The following HYKK variants were observed in gnomAD, a reference collection of about 807,000 sequenced individuals.
HYKK encodes the protein 5-hydroxy-L-lysine kinase.
Under a neutral mutation model 29.7 loss-of-function variants are expected in HYKK, and 19 were observed. That is an observed-to-expected ratio of 0.64 (90% confidence interval 0.45 to 0.94). The LOEUF is 0.94. Ranked by LOEUF, HYKK falls within the 40% of genes least tolerant of loss-of-function variation. The pLI is 0.00. For missense variants in HYKK, 390 were observed against 443.4 expected (o/e 0.88, Z 1.08); for synonymous variants, 152 against 158.1 (o/e 0.96, Z 0.29).
At chr15:78,512,576 A>G (rs148992699) in intron 1 of HYKK, among the ~76,000 whole-genome samples, 3,171 of 151,292 alleles carry the variant, frequency 0.021, 129 homozygotes, top group African/African-American at 0.073. Flanking sequence ...CAATTTTTGT[A>G]TTATCAGTAG....
At chr15:78,513,028 A>T in intron 1 of HYKK, 56 bp from the exon 2 acceptor site, 1 of 912,616 alleles carries the variant, frequency 1.1e-6, no homozygotes, top group Non-Finnish European at 1.7e-6. Flanking sequence ...AAAATCATTT[A>T]AATAAATATA....
rs558402496 is a variant in HYKK at position 78,510,099 on chromosome 15, TTC to T, written c.-6+2440_-6+2441del. ...TTTTTTCTTTCTTTCTTTTCTTTCT[TTC>T]TCTCTCTCTCTTTCTTCTTTCTTTT... On this transcript the variant is annotated intron_variant, in intron 1 of 4. Coordinates refer to ENST00000388988, the MANE Select transcript of HYKK (RefSeq NM_001013619.4). Among the ~76,000 whole-genome samples the T allele has an allele frequency of 7.8e-4, 117 of 149,788 alleles. 1 individual carries two copies. In the South Asian group the frequency reaches 7.9e-3, roughly 10 times the overall value.
chr15:78,528,302 A>T (rs1163852318), intron 4 of HYKK: 1 of 344,184 alleles, frequency 2.9e-6, no homozygotes, highest in Non-Finnish European at 4.1e-6. Context: ...ATGATCTGAG[A>T]TGAAACAGTT....
intron 3 of HYKK, among the ~76,000 whole-genome samples, chr15:78,521,880 A>G (rs535396926): frequency 2.6e-5 from 4 of 152,232 alleles, no homozygotes; most frequent in African/African-American, 9.6e-5. Context: ...GCGTGGGTCA[A>G]TCGTGCCATC....
At position 78,516,244 on chromosome 15, in the gene HYKK, T is replaced by A. The variant is rs557597972; in HGVS notation, c.477+1137T>A. 3.3e-5 allele frequency among the ~76,000 whole-genome samples: 5 copies of A among 152,148 alleles called. No individual in the cohort carries two copies. In the East Asian group the frequency reaches 9.7e-4, roughly 29 times the overall value. On this transcript the variant is annotated intron_variant, in intron 3 of 4. Transcript: ENST00000388988. ...AAAAAATCACAGGACAAAGGAAATA[T>A]ATTTACTATTTATTAAGTGGAAATG...
intron 3 of HYKK, among the ~76,000 whole-genome samples, chr15:78,525,725 C>T (rs2052246953): frequency 6.6e-6 from 1 of 151,514 alleles, no homozygotes; most frequent in South Asian, 2.1e-4. Flanking sequence ...TCTCGAACTC[C>T]TGACCTCAAA....
At chr15:78,525,446 A>G (rs774454587) in intron 3 of HYKK, among the ~76,000 whole-genome samples, 11 of 151,934 alleles carry the variant, frequency 7.2e-5, no homozygotes, top group Admixed American at 2.0e-4. Flanking sequence ...GTGAGCCACC[A>G]TGCCCAGCCT....
intron 3 of HYKK, chr15:78,518,539 A>T: frequency 8.8e-6 from 4 of 454,104 alleles, no homozygotes; most frequent in South Asian, 6.2e-5. Flanking sequence ...AATAACTTGA[A>T]AACCAGTGTT....
chr15:78,525,309 C>G (rs2052239998), intron 3 of HYKK, among the ~76,000 whole-genome samples: 2 of 151,320 alleles, frequency 1.3e-5, no homozygotes, highest in Non-Finnish European at 2.9e-5. Context: ...GCACCCGCCA[C>G]CACACCCAGC....
chr15:78,524,947 C>T (rs1800331928), intron 3 of HYKK, among the ~76,000 whole-genome samples: 1 of 152,062 alleles, frequency 6.6e-6, no homozygotes, highest in Admixed American at 6.5e-5. Flanking sequence ...CCCACCAGGC[C>T]CCACCTCCGA....
At chr15:78,524,828 A>C (rs2052233181) in intron 3 of HYKK, among the ~76,000 whole-genome samples, 1 of 152,026 alleles carries the variant, frequency 6.6e-6, no homozygotes, top group Non-Finnish European at 1.5e-5. Context: ...CAAACAAACA[A>C]CAACAACAAA....
chr15:78,531,536 T>C (rs1381925335), intron 4 of HYKK, among the ~76,000 whole-genome samples: 1 of 152,056 alleles, frequency 6.6e-6, no homozygotes, highest in African/African-American at 2.4e-5. Context: ...TATATATGTA[T>C]ATAAAATTTT....
intron 1 of HYKK, among the ~76,000 whole-genome samples, chr15:78,509,049 CAA>C (rs879784843): frequency 7.0e-6 from 1 of 142,476 alleles, no homozygotes. Context: ...GTCTCAAAAA[CAA>C]AAAAAAAAAA....
At chr15:78,513,579 G>A (rs368284039) in intron 2 of HYKK, among the ~76,000 whole-genome samples, 154 bp downstream of exon 2, 59 of 152,262 alleles carry the variant, frequency 3.9e-4, no homozygotes, top group African/African-American at 1.4e-3. Flanking sequence ...CTTAGAGGTG[G>A]TTGTGTTTTC....
chr15:78,536,622 C>A lies in HYKK; in HGVS notation c.*2952C>A, dbSNP rs1036840066. The A allele has an allele frequency of 6.6e-6, 1 of 152,156 alleles. No individual in the cohort carries two copies. Among genetic ancestry groups the A allele is most frequent in the African/African-American group, 2.4e-5 (1 of 41,424 alleles). 9.4% of individuals were successfully genotyped at this position (152,156 alleles called of 1,614,324 possible). On this transcript the variant is annotated 3_prime_UTR_variant, in exon 5 of 5. Coordinates refer to ENST00000388988, the MANE Select transcript of HYKK (RefSeq NM_001013619.4). ...TGACCACTGTTTAGATGTTTACATG[C>A]TGCATTACATTGATATTTTACTATT...
chr15:78,535,529 T>A lies in HYKK; in HGVS notation c.*1859T>A, dbSNP rs1166899951. ...GAACAGTGCCAAGTGCTTAACACAGTGTGTGGCACATAGTTAGGACTCAGT... is the reference window on the plus strand; with the variant it reads ...GAACAGTGCCAAGTGCTTAACACAGAGTGTGGCACATAGTTAGGACTCAGT... On this transcript the variant is annotated 3_prime_UTR_variant, in exon 5 of 5. Coordinates refer to ENST00000388988, the MANE Select transcript of HYKK (RefSeq NM_001013619.4). The A allele has an allele frequency of 1.3e-5, 2 of 152,148 alleles. No individual in the cohort carries two copies. The highest frequency in any genetic ancestry group is 2.9e-5 in the Non-Finnish European group (2 of 68,034). The allele number at this position is 152,148 out of a possible 1,614,324, so 9.4% of individuals were successfully genotyped here.
chr15:78,517,213 G>A (rs145177479), intron 3 of HYKK, among the ~76,000 whole-genome samples: 6 of 149,238 alleles, frequency 4.0e-5, no homozygotes, highest in African/African-American at 9.8e-5. Flanking sequence ...ATTTCTGACA[G>A]GAAATCTGCC....
intron 4 of HYKK, among the ~76,000 whole-genome samples, chr15:78,531,554 T>TA (rs1193082865): frequency 1.3e-5 from 2 of 151,924 alleles, no homozygotes; most frequent in Non-Finnish European, 2.9e-5. Context: ...TTTTTTGAGA[T>TA]AGAGTCTCGC....
At chr15:78,510,743 C>G (rs934146344) in intron 1 of HYKK, among the ~76,000 whole-genome samples, 2 of 152,122 alleles carry the variant, frequency 1.3e-5, no homozygotes, top group Admixed American at 6.6e-5. Context: ...CAGAAGCGCT[C>G]TTTCTTTTTT....
Sources: allele counts gnomAD v4.1 joint callset (sites outside exome capture counted in the v4.1 genomes callset), GRCh38; gene constraint gnomAD v4.1.1; transcripts MANE v1.5; gene names NCBI Gene and HGNC (gene_info 2026-07-23, HGNC 2026-07-21).